Variants in MAP3K1 observed in about 807,000 individuals in gnomAD.
MAP3K1 encodes the protein mitogen-activated protein kinase kinase kinase 1.
A neutral mutation model predicts 144.2 loss-of-function variants in MAP3K1; 36 were observed. The observed-to-expected ratio is 0.25, with a 90% CI of 0.19 to 0.33. The LOEUF is 0.33. MAP3K1 is among the 10% of genes least tolerant of loss of function. The pLI, the probability that MAP3K1 is intolerant of heterozygous loss-of-function variation, is 1.00. For missense variants in MAP3K1, 1,650 were observed against 1,881.9 expected (o/e 0.88, Z 2.28); for synonymous variants, 718 against 688.7 (o/e 1.04, Z -0.67).
At chr5:56,818,330 C>T (rs1465066701) in intron 1 of MAP3K1, among the ~76,000 whole-genome samples, 3 of 152,030 alleles carry the variant, frequency 2.0e-5, no homozygotes, top group East Asian at 3.8e-4. Flanking sequence ...TTATAGCCAA[C>T]TCAATAAAAT....
intron 1 of MAP3K1, among the ~76,000 whole-genome samples, chr5:56,822,060 G>T (rs893723534): frequency 6.6e-6 from 1 of 152,180 alleles, no homozygotes; most frequent in Non-Finnish European, 1.5e-5. Context: ...TTGCTCTGTT[G>T]CCCAGGCTGG....
intron 3 of MAP3K1, 121 bp from the exon 4 acceptor site, chr5:56,864,613 T>C (rs1402463730): frequency 2.1e-6 from 2 of 952,276 alleles, no homozygotes; most frequent in Non-Finnish European, 3.3e-6. Flanking sequence ...GACCTCATGA[T>C]CCGCCCTCCT....
At chr5:56,876,941 A>C (rs758757746) in intron 10 of MAP3K1, among the ~76,000 whole-genome samples, 1 of 152,216 alleles carries the variant, frequency 6.6e-6, no homozygotes, top group Non-Finnish European at 1.5e-5. Context: ...AGGGTTGTGA[A>C]AAGTTCCCTG....
intron 10 of MAP3K1, among the ~76,000 whole-genome samples, chr5:56,877,308 G>T (rs550977385): frequency 6.6e-6 from 1 of 152,178 alleles, no homozygotes; most frequent in East Asian, 1.9e-4. Context: ...TGTACACACC[G>T]TAACTGCCTT....
At chr5:56,836,041 C>A (rs560543744) in intron 1 of MAP3K1, among the ~76,000 whole-genome samples, 1 of 152,194 alleles carries the variant, frequency 6.6e-6, no homozygotes, top group Non-Finnish European at 1.5e-5. Flanking sequence ...GAAACAGACA[C>A]AAATCCCTGC....
At chr5:56,864,495 C>A (rs973052102) in intron 3 of MAP3K1, among the ~76,000 whole-genome samples, 2 of 151,856 alleles carry the variant, frequency 1.3e-5, no homozygotes, top group African/African-American at 4.8e-5. Context: ...CCTGCCTCAG[C>A]CTCAGAGTAG....
At position 56,879,020 on chromosome 5, in the gene MAP3K1, GT is replaced by G; in HGVS notation, c.2009del (p.Leu670Ter). ...RAMLVYTPCH[S>X]LAERIKLQRL... Reference sequence around the variant, plus strand: ...ATGCTGGTATATACTCCTTGCCACAGTTTAGCGGAAAGAATCAAACTTCAGA... The same window carrying G: ...ATGCTGGTATATACTCCTTGCCACAGTTAGCGGAAAGAATCAAACTTCAGA... On this transcript the variant is annotated frameshift_variant, in exon 11 of 20. Transcript: ENST00000399503. LOFTEE classifies it high-confidence loss of function. The G allele has an allele frequency of 6.2e-7, 1 of 1,613,852 alleles. No individual in the cohort carries two copies.
chr5:56,865,473 G>GCT lies in MAP3K1; in HGVS notation c.1152+18_1152+19dup. The stretch of plus-strand genomic sequence containing the variant: ...AATTTTGAGGTAGTTTTTAATAAAT[G>GCT]CTTAGAGTAAAATTGTTAGCATATT... On this transcript the variant is annotated intron_variant, in intron 5 of 19. Coordinates refer to ENST00000399503, the MANE Select transcript of MAP3K1 (RefSeq NM_005921.2). 7.8e-7 allele frequency: 1 copy of GCT among 1,277,042 alleles called. No individual in the cohort carries two copies. The allele number at this position is 1,277,042 out of a possible 1,614,324, so 79.1% of individuals were successfully genotyped here.
In MAP3K1 at chr5:56,882,183, G is replaced by T. The variant is rs1056776403; in HGVS notation, c.2983G>T (p.Ala995Ser). The T allele has an allele frequency of 6.2e-7, 1 of 1,613,962 alleles. No homozygotes were observed. Among genetic ancestry groups the T allele is most frequent in the Non-Finnish European group, 8.5e-7 (1 of 1,180,018 alleles). Residue 995 changes from alanine (A) to serine (S), a missense_variant, in exon 14 of 20, where the codon GCT becomes TCT. Around this residue, in one of 6 missense-constraint regions of MAP3K1, gnomAD observed 841 missense variants for 886.5 expected, o/e 0.95. Transcript: ENST00000399503. ...TTCTTCTTCTACCCCATCTGTACCA[G>T]CTGGCACTGCAACAGATGTCTCTAA... ...TPSSSTPSVPAGTATDVSKHR... is the reference protein window; with the variant it reads ...TPSSSTPSVPSGTATDVSKHR...
intron 6 of MAP3K1, among the ~76,000 whole-genome samples, chr5:56,869,064 C>T (rs1486963907): frequency 6.7e-6 from 1 of 149,544 alleles, no homozygotes; most frequent in African/African-American, 2.5e-5. Context: ...GCCTGGGCAA[C>T]ATAGTGTGAC....
chr5:56,882,527 C>T lies in MAP3K1; in HGVS notation c.3327C>T (p.Asp1109=), dbSNP rs747231491. The change falls in exon 14 of 20, where the codon GAC becomes GAT. Residue 1109 remains aspartate, a synonymous_variant. Coordinates refer to ENST00000399503, the MANE Select transcript of MAP3K1 (RefSeq NM_005921.2). ...SNSSNAVIPS[D]ETVFTPVEEK... ...GTAGTAATGCTGTTATACCCAGTGA[C>T]GAGACAGTGTTCACCCCAGTAGAGG... 31 of 1,613,888 alleles carry T rather than the reference C, an allele frequency of 1.9e-5. No homozygotes were observed. Among genetic ancestry groups the T allele is most frequent in the African/African-American group, 6.7e-5 (5 of 74,882 alleles).
At chr5:56,883,782 C>T in intron 15 of MAP3K1, 103 bp downstream of exon 15, 1 of 1,212,846 alleles carries the variant, frequency 8.2e-7, no homozygotes, top group Non-Finnish European at 1.2e-6. Flanking sequence ...TACTTTAGTT[C>T]TTTAAACTTT....
intron 9 of MAP3K1, 148 bp downstream of exon 9, chr5:56,873,153 AC>A (rs1747911889): frequency 2.7e-6 from 2 of 752,706 alleles, no homozygotes; most frequent in Non-Finnish European, 4.4e-6. Context: ...TTTTAATGTT[AC>A]TTTTGGTATT....
intron 6 of MAP3K1, among the ~76,000 whole-genome samples, chr5:56,868,769 G>A (rs559935242): frequency 5.3e-5 from 8 of 152,310 alleles, no homozygotes; most frequent in Non-Finnish European, 1.2e-4. Flanking sequence ...TATCTAGTCA[G>A]TGGAAAATTA....
intron 6 of MAP3K1, among the ~76,000 whole-genome samples, chr5:56,866,230 T>C (rs1166752924): frequency 6.6e-6 from 1 of 152,034 alleles, no homozygotes; most frequent in Non-Finnish European, 1.5e-5. Context: ...CTGGGCAACA[T>C]AGGGATACCC....
rs532448020 is a variant in MAP3K1, at chr5:56,894,867, A to C, written c.*1187A>C. 1.0e-4 allele frequency: 24 copies of C among 232,088 alleles called. No individual in the cohort carries two copies. Among genetic ancestry groups the C allele is most frequent in the Non-Finnish European group, 1.8e-4 (21 of 117,348 alleles). 14.4% of individuals were successfully genotyped at this position (232,088 alleles called of 1,614,324 possible). Reference sequence around the variant, plus strand: ...GTGTTCAGAAAGAAAAATGGAATTGAATTTCATTTATACACTAATTCCTTG... The same window carrying C: ...GTGTTCAGAAAGAAAAATGGAATTGCATTTCATTTATACACTAATTCCTTG... On this transcript the variant is annotated 3_prime_UTR_variant, in exon 20 of 20. Transcript: ENST00000399503.
At chr5:56,863,023 A>G (rs538313112) in intron 3 of MAP3K1, among the ~76,000 whole-genome samples, 1 of 152,358 alleles carries the variant, frequency 6.6e-6, no homozygotes, top group Admixed American at 6.5e-5. Context: ...ACACCTGGAA[A>G]TGAAACCAAC....
Position 56,856,734 on chromosome 5 carries a change from A to G in MAP3K1, c.617A>G (p.Asn206Ser), listed in dbSNP as rs1747354853. 1 of 1,614,014 alleles carries G rather than the reference A, an allele frequency of 6.2e-7. No homozygotes were observed. ...AWKHEWLERR[N>S]RRGPVVVKPI... ...AAGCACGAATGGTTGGAAAGGAGAA[A>G]TAGGCGAGGGCCTGTGGTAAGTGGC... The change falls in exon 2 of 20, where the codon AAT (asparagine) becomes AGT (serine). Residue 206 changes from asparagine to serine, a missense_variant. Asn to Ser is a conservative substitution (Grantham distance 46). Transcript: ENST00000399503.
At chr5:56,818,493 C>T (rs1746051953) in intron 1 of MAP3K1, among the ~76,000 whole-genome samples, 1 of 151,626 alleles carries the variant, frequency 6.6e-6, no homozygotes, top group African/African-American at 2.4e-5. Context: ...AGAAAATATA[C>T]TTTGAATTAG....
Sources: gnomAD v4.1 joint callset for allele counts (sites outside exome capture counted in the v4.1 genomes callset) on GRCh38, gnomAD v4.1.1 for gene constraint, gnomAD v4.1.1 regional missense constraint, MANE v1.5 for transcripts, NCBI Gene and HGNC (gene_info 2026-07-23, HGNC 2026-07-21) for gene names.